PPFIBP2: variants seen among roughly 807,000 people sequenced by gnomAD.
PPFIBP2 encodes the protein PPFIB scaffold protein 2.
Under a neutral mutation model 118.3 loss-of-function variants are expected in PPFIBP2, and 118 were observed. That is an observed-to-expected ratio of 1.00 (90% CI 0.86 to 1.16). PPFIBP2 has a LOEUF of 1.16. PPFIBP2 is among the 50% of genes most tolerant of loss of function. PPFIBP2 has a pLI of 0.00. For synonymous variants in PPFIBP2, 414 were observed against 397.4 expected (o/e 1.04, Z -0.50); for missense variants, 1,195 against 1,073.1 (o/e 1.11, Z -1.59).
intron 6 of PPFIBP2, among the ~76,000 whole-genome samples, chr11:7,614,188 A>G (rs907133397): frequency 2.1e-4 from 32 of 152,320 alleles, no homozygotes; most frequent in African/African-American, 5.5e-4. Context: ...TACTCCCACA[A>G]TTCAAAAATC....
At chr11:7,603,932 T>A (rs1403850818) in intron 5 of PPFIBP2, among the ~76,000 whole-genome samples, 1 of 152,166 alleles carries the variant, frequency 6.6e-6, no homozygotes, top group Non-Finnish European at 1.5e-5. Flanking sequence ...ATGATGCCTG[T>A]GAAGCCTTTG....
At position 7,549,491 on chromosome 11, in the gene PPFIBP2, A is replaced by G; in HGVS notation, c.16A>G (p.Ser6Gly). ...AAAAGGAGTCATGGCTTCTGATGCT[A>G]GTCATGCGCTGGAAGCTGCCCTGGA... is the stretch of plus-strand genomic sequence containing the variant. MASDA[S>G]HALEAALEQM... is the part of the protein sequence containing the mutation. The change falls in exon 2 of 24, where the codon AGT becomes GGT. Residue 6 changes from serine to glycine, a missense_variant. By Grantham distance (56) the Ser-to-Gly change is moderately conservative. Transcript: ENST00000299492. 1.3e-6 allele frequency: 2 copies of G among 1,562,368 alleles called. No individual in the cohort carries two copies. The highest frequency in any genetic ancestry group is 1.2e-5 in the South Asian group (1 of 84,490).
intron 23 of PPFIBP2, among the ~76,000 whole-genome samples, 186 bp downstream of exon 23, chr11:7,652,030 G>T (rs7102819): frequency 0.34 from 51,862 of 152,202 alleles, 10,389 homozygotes; most frequent in Non-Finnish European, 0.45. Context: ...CCACCAGTTT[G>T]GAGTCCAAGG....
At chr11:7,567,029 T>C (rs1348363377) in intron 3 of PPFIBP2, among the ~76,000 whole-genome samples, 2 of 152,242 alleles carry the variant, frequency 1.3e-5, no homozygotes, top group Non-Finnish European at 2.9e-5. Flanking sequence ...TTGTAGCATA[T>C]ATTTTCCTCA....
intron 1 of PPFIBP2, among the ~76,000 whole-genome samples, chr11:7,537,119 C>T (rs1046668318): frequency 6.6e-6 from 1 of 152,122 alleles, no homozygotes; most frequent in Non-Finnish European, 1.5e-5. Context: ...CTAGGTGGCT[C>T]CCTCAGTGGT....
intron 3 of PPFIBP2, chr11:7,576,540 C>T (rs1406833383): frequency 6.6e-6 from 1 of 152,416 alleles, no homozygotes; most frequent in Non-Finnish European, 1.5e-5. Flanking sequence ...TTTCCAAGGC[C>T]CCTGTCTACC....
At chr11:7,599,629 CTTT>C (rs372421700) in intron 5 of PPFIBP2, among the ~76,000 whole-genome samples, 23 of 134,004 alleles carry the variant, frequency 1.7e-4, no homozygotes, top group Admixed American at 3.0e-4. Flanking sequence ...AACTCAATTA[CTTT>C]TTTTTTTTTT....
intron 5 of PPFIBP2, among the ~76,000 whole-genome samples, chr11:7,602,720 C>G (rs910345546): frequency 5.9e-5 from 9 of 152,186 alleles, no homozygotes; most frequent in Non-Finnish European, 1.3e-4. Context: ...TTGGACAACA[C>G]CAGCCTCTAT....
intron 5 of PPFIBP2, among the ~76,000 whole-genome samples, chr11:7,602,278 G>A (rs1846760579): frequency 6.6e-6 from 1 of 152,138 alleles, no homozygotes; most frequent in Non-Finnish European, 1.5e-5. Context: ...GGCTATCAGA[G>A]GCCAGGGCCC....
intron 2 of PPFIBP2, among the ~76,000 whole-genome samples, chr11:7,560,742 TTG>T (rs1327731113): frequency 1.3e-5 from 2 of 152,230 alleles, no homozygotes; most frequent in Non-Finnish European, 2.9e-5. Flanking sequence ...AGGCCAGTCT[TTG>T]TGTCTATTAA....
intron 5 of PPFIBP2, among the ~76,000 whole-genome samples, chr11:7,605,526 T>C (rs1427978821): frequency 6.6e-6 from 1 of 152,170 alleles, no homozygotes; most frequent in Non-Finnish European, 1.5e-5. Flanking sequence ...ACTAGCAATT[T>C]TTAAGCTGTG....
intron 1 of PPFIBP2, among the ~76,000 whole-genome samples, chr11:7,516,717 C>G (rs540435568): frequency 6.6e-6 from 1 of 152,214 alleles, no homozygotes; most frequent in East Asian, 1.9e-4. Flanking sequence ...CCAGACGGCC[C>G]CTCTCTCTGT....
downstream of PPFIBP2, among the ~76,000 whole-genome samples, chr11:7,661,099 C>A (rs560169168): frequency 2.6e-4 from 39 of 151,988 alleles, no homozygotes; most frequent in African/African-American, 7.0e-4. Context: ...AAAAAACCAG[C>A]TCCTGGATTC....
chr11:7,632,632 A>G (rs920256829), intron 11 of PPFIBP2: 3 of 451,182 alleles, frequency 6.6e-6, no homozygotes, highest in Admixed American at 3.4e-5. Flanking sequence ...GGATATGAAC[A>G]TGATCTAAGC....
chr11:7,565,877 T>C (rs1854911142), intron 3 of PPFIBP2, 110 bp downstream of exon 3: 2 of 1,233,326 alleles, frequency 1.6e-6, no homozygotes, highest in Non-Finnish European at 2.3e-6. Context: ...CTTCCAGCCT[T>C]TTCTTCCATC....
intron 3 of PPFIBP2, among the ~76,000 whole-genome samples, chr11:7,579,600 G>A (rs1024748907): frequency 6.6e-6 from 1 of 152,214 alleles, no homozygotes; most frequent in Admixed American, 6.5e-5. Context: ...CCTTGTCCCA[G>A]CCCCTGGGGC....
In PPFIBP2 at chr11:7,616,105, A is replaced by G. The variant is rs2135549680; in HGVS notation, c.619-4830A>G. Among the ~76,000 whole-genome samples the G allele has an allele frequency of 6.6e-6, 1 of 152,294 alleles. No individual in the cohort carries two copies. Among genetic ancestry groups the G allele is most frequent in the South Asian group, 2.1e-4 (1 of 4,826 alleles). ...GGAAGGGGACATCCGAAACTAAAGG[A>G]CAATGCTGAGGACAACACAAAGCCA... is the stretch of plus-strand genomic sequence containing the variant. On this transcript the variant is annotated intron_variant, in intron 6 of 23. Transcript: ENST00000299492. This position sits in a 1 kb window ranked among gnomAD's most constrained non-coding sequence, Gnocchi z 5.2.
Position 7,565,580 on chromosome 11 carries a change from A to T in PPFIBP2, c.92A>T (p.Asp31Val). The T allele has an allele frequency of 6.2e-7, 1 of 1,614,050 alleles. No individual in the cohort carries two copies. Among genetic ancestry groups the T allele is most frequent in the Non-Finnish European group, 8.5e-7 (1 of 1,179,992 alleles). ...AGTKTGADLS[D>V]GTCEPGLASP... is the part of the protein sequence containing the mutation. ...ACTAAAACAGGTGCAGATCTTAGTG[A>T]TGGTACTTGTGAGCCTGGACTGGCT... The change falls in exon 3 of 24, where the codon GAT becomes GTT. Residue 31 changes from aspartate (D) to valine (V), a missense_variant. Asp to Val is a radical substitution (Grantham distance 152, BLOSUM62 -3). Transcript: ENST00000299492.
chr11:7,640,064 A>T (rs1851958895), intron 15 of PPFIBP2, among the ~76,000 whole-genome samples, 194 bp downstream of exon 15: 1 of 152,210 alleles, frequency 6.6e-6, no homozygotes, highest in South Asian at 2.1e-4. Context: ...TTCTAAGGTC[A>T]GCACTCTACA....
Sources: gnomAD v4.1 joint callset for allele counts (sites outside exome capture counted in the v4.1 genomes callset) on GRCh38, gnomAD v4.1.1 for gene constraint, Gnocchi (gnomAD v3.1) non-coding constraint, MANE v1.5 for transcripts, NCBI Gene and HGNC (gene_info 2026-07-23, HGNC 2026-07-21) for gene names.